KCTD20: variants seen among roughly 807,000 people sequenced by gnomAD.
KCTD20 encodes the protein potassium channel tetramerization domain containing 20.
In KCTD20, 30 loss-of-function variants were observed where a neutral mutation model predicts 39.6. That is an observed-to-expected ratio of 0.76 (90% confidence interval 0.57 to 1.03). The LOEUF (loss-of-function observed/expected upper bound fraction) is 1.03. Ranked by LOEUF, KCTD20 falls within the 50% of genes least tolerant of loss-of-function variation. The pLI is 0.00. For missense variants in KCTD20, 422 were observed against 522.0 expected (o/e 0.81, Z 1.87); for synonymous variants, 162 against 180.6 (o/e 0.90, Z 0.83).
rs1451202606 is a variant in KCTD20, at chr6:36,488,166, CCT to C, written c.*992_*993del. 4.6e-5 allele frequency: 7 copies of C among 152,190 alleles called. No homozygotes were observed. The highest frequency in any genetic ancestry group is 8.8e-5 in the Non-Finnish European group (6 of 68,050). The allele number at this position is 152,190 out of a possible 1,614,324, so 9.4% of individuals were successfully genotyped here. On this transcript the variant is annotated 3_prime_UTR_variant, in exon 8 of 8. Coordinates refer to ENST00000373731, the MANE Select transcript of KCTD20 (RefSeq NM_173562.5). Reference sequence around the variant, plus strand: ...GGTGGGAAGCATCATCTGCACAGTCCCTGTCCTAGTGCAGGACTTTTCTCTGT... The same window carrying C: ...GGTGGGAAGCATCATCTGCACAGTCCGTCCTAGTGCAGGACTTTTCTCTGT...
rs143804544 is a variant in KCTD20, at chr6:36,450,370, C to T, written c.-47+7259C>T. ...GGGCACGATGGCACGTGCTTGTAAT[C>T]CCAACTACTCGGGAGGCTGAGGTAG... On this transcript the variant is annotated intron_variant, in intron 1 of 7. Transcript: ENST00000373731. Among the ~76,000 whole-genome samples, 708 of 151,600 alleles carry T rather than the reference C, an allele frequency of 4.7e-3. 8 individuals carry two copies. Among genetic ancestry groups the T allele is most frequent in the Non-Finnish European group, 5.3e-3 (360 of 67,914 alleles).
intron 1 of KCTD20, among the ~76,000 whole-genome samples, chr6:36,461,175 T>C (rs1775591603): frequency 6.6e-6 from 1 of 152,190 alleles, no homozygotes; most frequent in South Asian, 2.1e-4. Context: ...TCTTGAGTAA[T>C]TTGGTTTAGA....
intron 1 of KCTD20, among the ~76,000 whole-genome samples, chr6:36,448,245 T>G (rs1225437196): frequency 2.0e-5 from 3 of 152,028 alleles, no homozygotes; most frequent in Non-Finnish European, 4.4e-5. Flanking sequence ...CAGAAGGTTG[T>G]GAGGATCAAA....
intron 6 of KCTD20, 33 bp downstream of exon 6, chr6:36,481,792 A>G: frequency 6.3e-7 from 1 of 1,596,416 alleles, no homozygotes; most frequent in East Asian, 2.2e-5. Flanking sequence ...AGATGTTTTC[A>G]GCAAGAAACT....
At chr6:36,458,175 C>T (rs1380816167) in intron 1 of KCTD20, among the ~76,000 whole-genome samples, 4 of 152,156 alleles carry the variant, frequency 2.6e-5, no homozygotes, top group African/African-American at 7.2e-5. Flanking sequence ...ATCTCAGCCT[C>T]CTGAGTAGCT....
intron 3 of KCTD20, among the ~76,000 whole-genome samples, chr6:36,478,341 G>C (rs1776136454): frequency 6.6e-6 from 1 of 152,178 alleles, no homozygotes; most frequent in Non-Finnish European, 1.5e-5. Context: ...CATTTAGACT[G>C]CAAGGGATCT....
chr6:36,449,380 CAG>C (rs1336866317), intron 1 of KCTD20, among the ~76,000 whole-genome samples: 3 of 151,254 alleles, frequency 2.0e-5, no homozygotes, highest in Admixed American at 6.6e-5. Context: ...TAGCTAGACA[CAG>C]AGCGCTGATT....
At chr6:36,479,472 C>A in intron 4 of KCTD20, 119 bp from the exon 5 acceptor site, 1 of 937,660 alleles carries the variant, frequency 1.1e-6, no homozygotes, top group South Asian at 1.6e-5. Flanking sequence ...ATGAATCATC[C>A]AATTTGGTGA....
chr6:36,446,097 G>C (rs1268650709), intron 1 of KCTD20, among the ~76,000 whole-genome samples: 1 of 148,638 alleles, frequency 6.7e-6, no homozygotes, highest in African/African-American at 2.5e-5. Flanking sequence ...CGTGATCTCG[G>C]CTCACTGCAA....
chr6:36,473,980 C>G (rs935565458), intron 2 of KCTD20, among the ~76,000 whole-genome samples: 2 of 152,002 alleles, frequency 1.3e-5, no homozygotes, highest in African/African-American at 4.8e-5. Context: ...AGTGAAAATG[C>G]CTTTTACTGT....
chr6:36,486,492 T>C (rs1582381317), intron 7 of KCTD20, among the ~76,000 whole-genome samples: 1 of 152,342 alleles, frequency 6.6e-6, no homozygotes, highest in East Asian at 1.9e-4. Context: ...TCCTTAACTG[T>C]TTCTCATATA....
chr6:36,460,679 G>T (rs1775576667), intron 1 of KCTD20, among the ~76,000 whole-genome samples: 1 of 152,110 alleles, frequency 6.6e-6, no homozygotes, highest in African/African-American at 2.4e-5. Context: ...TAGAGGCTCT[G>T]TTGTAGCAAT....
chr6:36,459,306 G>A (rs757495704), intron 1 of KCTD20, among the ~76,000 whole-genome samples: 3 of 151,978 alleles, frequency 2.0e-5, no homozygotes, highest in South Asian at 2.1e-4. Flanking sequence ...GCGAGACTCC[G>A]TCTCAAAAAA....
chr6:36,450,512 G>C (rs183956831), intron 1 of KCTD20, among the ~76,000 whole-genome samples: 1 of 151,358 alleles, frequency 6.6e-6, no homozygotes, highest in East Asian at 1.9e-4. Context: ...GAAAGGTTAT[G>C]TGTTGGGTAA....
Position 36,469,273 on chromosome 6 carries a change from G to A in KCTD20, c.-46-779G>A, listed in dbSNP as rs757996409. Among the ~76,000 whole-genome samples, 2 of 152,144 alleles carry A rather than the reference G, an allele frequency of 1.3e-5. No homozygotes were observed. Among genetic ancestry groups the A allele is most frequent in the Non-Finnish European group, 2.9e-5 (2 of 68,028 alleles). ...AGAAATATTTTGAGTAGCCGCCATC[G>A]AGGATGGAAGGGTTGCAGGGCGTGA... On this transcript the variant is annotated intron_variant, in intron 1 of 7. Transcript: ENST00000373731. The surrounding 1 kb of genome is among the most constrained non-coding windows in gnomAD (Gnocchi z 4.6).
At chr6:36,446,524 C>T (rs1182553344) in intron 1 of KCTD20, among the ~76,000 whole-genome samples, 5 of 152,208 alleles carry the variant, frequency 3.3e-5, no homozygotes, top group Admixed American at 6.5e-5. Context: ...TGGTGGCTTA[C>T]GCCTGTAATC....
At chr6:36,467,171 G>C (rs1325541255) in intron 1 of KCTD20, among the ~76,000 whole-genome samples, 1 of 151,186 alleles carries the variant, frequency 6.6e-6, no homozygotes, top group Non-Finnish European at 1.5e-5. Context: ...AGCAGGGCGT[G>C]GTGGTGGGTG....
chr6:36,461,197 G>A (rs1259358467), intron 1 of KCTD20, among the ~76,000 whole-genome samples: 2 of 152,166 alleles, frequency 1.3e-5, no homozygotes, highest in Non-Finnish European at 2.9e-5. Flanking sequence ...TTGATTATTA[G>A]TTGAAGAATG....
intron 3 of KCTD20, among the ~76,000 whole-genome samples, chr6:36,478,486 C>CT (rs1776140303): frequency 6.6e-6 from 1 of 152,192 alleles, no homozygotes; most frequent in Non-Finnish European, 1.5e-5. Flanking sequence ...CTAATACCTA[C>CT]TACCCTCCTT....
Sources: gnomAD v4.1 joint callset for allele counts (sites outside exome capture counted in the v4.1 genomes callset) on GRCh38, gnomAD v4.1.1 for gene constraint, Gnocchi (gnomAD v3.1) non-coding constraint, MANE v1.5 for transcripts, NCBI Gene and HGNC (gene_info 2026-07-23, HGNC 2026-07-21) for gene names.